Variants in SVEP1 observed in about 807,000 individuals in gnomAD.
SVEP1 encodes the protein sushi, von Willebrand factor type A, EGF and pentraxin domain containing 1, also known as sushi, von Willebrand factor type A, EGF and pentraxin domain-containing protein 1.
A neutral mutation model predicts 367.3 loss-of-function variants in SVEP1; 164 were observed. That is an observed-to-expected ratio of 0.45 (90% CI 0.39 to 0.51). The LOEUF (loss-of-function observed/expected upper bound fraction) is 0.51, where lower values mean the gene tolerates loss of function less well. SVEP1 is among the 20% of genes least tolerant of loss of function. The pLI, the probability that SVEP1 is intolerant of heterozygous loss-of-function variation, is 0.00. For missense variants in SVEP1, 4,117 were observed against 4,425.3 expected, an observed-to-expected ratio of 0.93 and a Z score of 1.98; for synonymous variants, 1,666 against 1,611.6, an observed-to-expected ratio of 1.03 and a Z score of -0.81.
At chr9:110,498,122 C>T (rs771724684) in intron 7 of SVEP1, among the ~76,000 whole-genome samples, 2 of 152,168 alleles carry the variant, frequency 1.3e-5, no homozygotes, top group Non-Finnish European at 1.5e-5. Context: ...AAATAGGTAA[C>T]GTGAGTCTAA....
At chr9:110,526,470 C>CA (rs1829940767) in intron 3 of SVEP1, among the ~76,000 whole-genome samples, 2 of 151,878 alleles carry the variant, frequency 1.3e-5, no homozygotes, top group South Asian at 4.2e-4. Flanking sequence ...CAAATTAAAC[C>CA]AAAATGTGTC....
chr9:110,388,698 G>GTGGCTCATGCC (rs1233527636), intron 41 of SVEP1, among the ~76,000 whole-genome samples: 2 of 152,182 alleles, frequency 1.3e-5, no homozygotes, highest in African/African-American at 4.8e-5. Context: ...GCCGGGCATG[G>GTGGCTCATGCC]TGGCTCATGC....
At chr9:110,578,936 G>C (rs748703735) in intron 1 of SVEP1, 77 bp downstream of exon 1, 46 of 1,490,162 alleles carry the variant, frequency 3.1e-5, no homozygotes, top group Non-Finnish European at 4.0e-5. Flanking sequence ...CTGAACCCCG[G>C]GATAGAGACG....
chr9:110,424,016 G>A (rs1828214986), intron 36 of SVEP1, among the ~76,000 whole-genome samples: 1 of 152,202 alleles, frequency 6.6e-6, no homozygotes, highest in Non-Finnish European at 1.5e-5. Flanking sequence ...CAAAGTTGTG[G>A]AGCTAGGGAA....
In SVEP1 at chr9:110,394,160, T is replaced by C. The variant is rs181760672; in HGVS notation, c.9823-4573A>G. 8.0e-3 allele frequency among the ~76,000 whole-genome samples: 1,216 copies of C among 151,912 alleles called. 18 individuals carry two copies. The highest frequency in any genetic ancestry group is 0.027 in the African/African-American group (1,126 of 41,392). ...GCCGGGTATTCCTCTGAGACAAAAC[T>C]TCCAGAGGAATGATCAGGCAGCAGC... On this transcript the variant is annotated intron_variant, in intron 40 of 47. Coordinates refer to ENST00000374469, the MANE Select transcript of SVEP1 (RefSeq NM_153366.4).
intron 40 of SVEP1, among the ~76,000 whole-genome samples, chr9:110,396,619 G>C (rs1478095170): frequency 8.5e-6 from 1 of 117,344 alleles, no homozygotes; most frequent in Non-Finnish European, 1.8e-5. Flanking sequence ...AATAAGAAAA[G>C]AGAGAAGAAT....
intron 44 of SVEP1, among the ~76,000 whole-genome samples, chr9:110,377,683 T>A (rs989627089): frequency 6.6e-6 from 1 of 152,240 alleles, no homozygotes; most frequent in Admixed American, 6.5e-5. Context: ...AGCACATTCA[T>A]CCCCTCACAT....
intron 32 of SVEP1, among the ~76,000 whole-genome samples, chr9:110,430,939 A>G (rs1161540414): frequency 2.0e-5 from 3 of 152,200 alleles, no homozygotes; most frequent in Admixed American, 2.0e-4. Flanking sequence ...CACTGCTATA[A>G]TAGGAAGGAG....
At chr9:110,552,541 T>C (rs1337700427) in intron 1 of SVEP1, among the ~76,000 whole-genome samples, 1 of 152,074 alleles carries the variant, frequency 6.6e-6, no homozygotes, top group Non-Finnish European at 1.5e-5. Flanking sequence ...GTAGAATCAG[T>C]GGGAGCACTC....
At chr9:110,493,330 C>G (rs1159329870) in intron 8 of SVEP1, among the ~76,000 whole-genome samples, 2 of 152,000 alleles carry the variant, frequency 1.3e-5, no homozygotes, top group Non-Finnish European at 2.9e-5. Context: ...GGCCACACAG[C>G]CTTAAACAAA....
intron 5 of SVEP1, among the ~76,000 whole-genome samples, chr9:110,507,343 C>T (rs1829640855): frequency 1.3e-5 from 2 of 152,118 alleles, no homozygotes; most frequent in East Asian, 1.9e-4. Context: ...TCAAAGACAA[C>T]CTTAAAATAC....
intron 2 of SVEP1, among the ~76,000 whole-genome samples, chr9:110,548,357 A>C (rs1194243538): frequency 6.6e-6 from 1 of 152,114 alleles, no homozygotes; most frequent in Non-Finnish European, 1.5e-5. Flanking sequence ...ATTTGTTAAT[A>C]AATAATAAAT....
intron 43 of SVEP1, among the ~76,000 whole-genome samples, chr9:110,382,639 T>A (rs1456352500): frequency 6.6e-6 from 1 of 152,208 alleles, no homozygotes; most frequent in African/African-American, 2.4e-5. Flanking sequence ...GAAGTTCTCC[T>A]GGGTGATATC....
Position 110,411,159 on chromosome 9 carries a change from G to A in SVEP1, c.6552C>T (p.Ser2184=). ...KGFYIKGEKK[S]TCEATGQWSS... ...TCCACTGCCCTGTGGCTTCGCAGGT[G>A]CTCTTCTTTTCCCCTTTGATGTAGA... The change falls in exon 37 of 48, where the codon AGC becomes AGT. Residue 2184 remains serine, a synonymous_variant. Coordinates refer to ENST00000374469, the MANE Select transcript of SVEP1 (RefSeq NM_153366.4). The A allele has an allele frequency of 1.2e-6, 2 of 1,614,000 alleles. No homozygotes were observed. The highest frequency in any genetic ancestry group is 8.5e-7 in the Non-Finnish European group (1 of 1,179,894).
chr9:110,434,358 T>G lies in SVEP1; in HGVS notation c.5037A>C (p.Thr1679=), dbSNP rs187253102. 9 of 1,609,742 alleles carry G rather than the reference T, an allele frequency of 5.6e-6. No individual in the cohort carries two copies. Among genetic ancestry groups the G allele is most frequent in the Non-Finnish European group, 7.6e-6 (9 of 1,176,760 alleles). ...VQYCLNQGQW[T]QPLPHCERIS... ...CACGTTCACAGTGAGGAAGTGGTTG[T>G]GTCCACTGTCCTTGATTCAGACAGT... The change falls in exon 30 of 48, where the codon ACA becomes ACC. Residue 1679 remains threonine, a synonymous_variant. Coordinates refer to ENST00000374469, the MANE Select transcript of SVEP1 (RefSeq NM_153366.4).
At chr9:110,425,286 A>T (rs1588046730) in intron 36 of SVEP1, among the ~76,000 whole-genome samples, 1 of 152,294 alleles carries the variant, frequency 6.6e-6, no homozygotes, top group East Asian at 1.9e-4. Context: ...TTGAAATGTC[A>T]TCACTTTATA....
chr9:110,541,973 T>C (rs1323733301), intron 3 of SVEP1, among the ~76,000 whole-genome samples: 3 of 151,160 alleles, frequency 2.0e-5, no homozygotes, highest in African/African-American at 4.9e-5. Context: ...TGCATATATA[T>C]GCATGTAGAT....
intron 2 of SVEP1, among the ~76,000 whole-genome samples, chr9:110,547,584 G>C (rs1830235919): frequency 6.6e-6 from 1 of 152,074 alleles, no homozygotes; most frequent in Non-Finnish European, 1.5e-5. Context: ...ATCAAAAAGG[G>C]TGAGAAGAAA....
chr9:110,486,366 A>T (rs112493239), intron 9 of SVEP1, among the ~76,000 whole-genome samples: 1 of 152,196 alleles, frequency 6.6e-6, no homozygotes, highest in Non-Finnish European at 1.5e-5. Context: ...GCGACAGCAG[A>T]TGTACTGTCT....
Sources: allele counts gnomAD v4.1 joint callset (sites outside exome capture counted in the v4.1 genomes callset), GRCh38; gene constraint gnomAD v4.1.1; transcripts MANE v1.5; gene names NCBI Gene and HGNC (gene_info 2026-07-23, HGNC 2026-07-21).